Variants in PMFBP1 observed in about 807,000 individuals in gnomAD.
The protein encoded by PMFBP1 is polyamine-modulated factor 1-binding protein 1.
In PMFBP1, 131 loss-of-function variants were observed where a neutral mutation model predicts 137.8. The ratio of observed to expected loss-of-function variants is 0.95; its 90% confidence interval spans 0.82 to 1.10. The LOEUF (loss-of-function observed/expected upper bound fraction) is 1.10. Among genes scored for constraint, PMFBP1 ranks in the 50% least tolerant of loss-of-function variants. The probability of loss-of-function intolerance (pLI) is 0.00; values close to 1 mark genes in which losing one functional copy is unlikely to be tolerated. For synonymous variants in PMFBP1, 490 were observed against 450.4 expected (o/e 1.09, Z -1.11); for missense variants, 1,199 against 1,175.4 (o/e 1.02, Z -0.29).
rs906160015 is a variant in PMFBP1 at position 72,164,876 on chromosome 16, T to C, written c.53A>G (p.Lys18Arg). The C allele has an allele frequency of 4.4e-6, 7 of 1,608,658 alleles. No individual in the cohort carries two copies. Among genetic ancestry groups the C allele is most frequent in the South Asian group, 1.1e-5 (1 of 90,936 alleles). Residue 18 changes from lysine (K) to arginine (R), a missense_variant, in exon 3 of 21, where the codon AAG becomes AGG. Physicochemically the swap from Lys to Arg is conservative, Grantham distance 26. Transcript: ENST00000237353. ...RDREVSSLNSKLLSLQLDIKN... is the reference protein window; with the variant it reads ...RDREVSSLNSRLLSLQLDIKN... The stretch of plus-strand genomic sequence containing the variant: ...GATGTCAAGTTGCAGGCTTAACAGC[T>C]TGCTGTTCAGGCTGCTCACTTCTCT...
At chr16:72,234,290 C>T in the PMFBP1 span, among the ~76,000 whole-genome samples, 325 of 152,218 alleles carry the variant, frequency 2.1e-3, 1 homozygote, top group Non-Finnish European at 3.9e-3. Context: ...ACAAATCATC[C>T]GACAGTGCAC....
intron 5 of PMFBP1, among the ~76,000 whole-genome samples, chr16:72,149,675 TGGCC>T (rs1169118002): frequency 6.6e-6 from 1 of 151,856 alleles, no homozygotes; most frequent in Non-Finnish European, 1.5e-5. Flanking sequence ...ACACAAAAAC[TGGCC>T]GGGCATGGTG....
At chr16:72,191,271 T>C in the PMFBP1 span, among the ~76,000 whole-genome samples, 1 of 152,316 alleles carries the variant, frequency 6.6e-6, no homozygotes, top group East Asian at 1.9e-4. Context: ...GTTAAGAAAA[T>C]GTAAAACAAT....
rs1411342824 is a variant in PMFBP1 at position 72,125,997 on chromosome 16, G to A, written c.2224C>T (p.Gln742Ter). Residue 742 changes from glutamine (Q) to a stop codon, truncating the protein, a stop_gained, in exon 15 of 21, where the codon CAG (glutamine) becomes TAG (stop). Transcript: ENST00000237353. LOFTEE classifies it high-confidence loss of function. ...TCGAGGGCTTGTGTCAGGTCATCCTGGCAGGCGGCTGACTTCCGGGATAAT... is the reference window on the plus strand; with the variant it reads ...TCGAGGGCTTGTGTCAGGTCATCCTAGCAGGCGGCTGACTTCCGGGATAAT... Reference protein sequence around the residue: ...DALSRKSAACQDDLTQALEKL... With the variant: ...DALSRKSAAC 5 of 1,614,192 alleles carry A rather than the reference G, an allele frequency of 3.1e-6. No individual in the cohort carries two copies. The highest frequency in any genetic ancestry group is 4.2e-6 in the Non-Finnish European group (5 of 1,180,024).
In PMFBP1 at chr16:72,122,934, G is replaced by A; in HGVS notation, c.2748C>T (p.Ala916=). 1 of 1,613,386 alleles carries A rather than the reference G, an allele frequency of 6.2e-7. No homozygotes were observed. Among genetic ancestry groups the A allele is most frequent in the Non-Finnish European group, 8.5e-7 (1 of 1,179,936 alleles). The change falls in exon 19 of 21, where the codon GCC becomes GCT. Residue 916 remains alanine, a synonymous_variant. Transcript: ENST00000237353. ...CTTACTCCTTTTCGCCACTCAGCTTGGCAATGTATTTCACCTGCTCTCGGA... is the reference window on the plus strand; with the variant it reads ...CTTACTCCTTTTCGCCACTCAGCTTAGCAATGTATTTCACCTGCTCTCGGA... The part of the protein sequence containing the change: ...NQLREQVKYI[A]KLSGEKDHLH...
chr16:72,173,752 T>C (rs558878736), upstream of PMFBP1, among the ~76,000 whole-genome samples: 1 of 152,324 alleles, frequency 6.6e-6, no homozygotes, highest in East Asian at 1.9e-4. Context: ...CTTTACGAAA[T>C]GCCATGTGAA....
the PMFBP1 span, among the ~76,000 whole-genome samples, chr16:72,242,961 G>C: frequency 1.3e-5 from 2 of 152,336 alleles, no homozygotes; most frequent in East Asian, 3.9e-4. Flanking sequence ...AACAGGGTGA[G>C]ATGTGTTGTA....
the PMFBP1 span, among the ~76,000 whole-genome samples, chr16:72,228,558 G>A: frequency 6.6e-6 from 1 of 152,124 alleles, no homozygotes; most frequent in African/African-American, 2.4e-5. Flanking sequence ...TGAACTGTGA[G>A]CTCTTACAGG....
At chr16:72,198,618 C>T in the PMFBP1 span, among the ~76,000 whole-genome samples, 16 of 152,090 alleles carry the variant, frequency 1.1e-4, no homozygotes, top group East Asian at 3.9e-4. Context: ...AAAAAATGAC[C>T]GGCCTCCACT....
chr16:72,142,699 A>G (rs73580610), intron 5 of PMFBP1, among the ~76,000 whole-genome samples: 116 of 152,362 alleles, frequency 7.6e-4, no homozygotes, highest in African/African-American at 2.7e-3. Context: ...TATTTACAGC[A>G]AAAGGAAAAC....
chr16:72,118,295 C>G (rs552324007), downstream of PMFBP1, among the ~76,000 whole-genome samples: 1 of 152,300 alleles, frequency 6.6e-6, no homozygotes, highest in East Asian at 1.9e-4. Context: ...AGAGCTTAAA[C>G]AGACAACAAC....
the PMFBP1 span, among the ~76,000 whole-genome samples, chr16:72,214,132 C>T: frequency 6.6e-6 from 1 of 152,060 alleles, no homozygotes; most frequent in African/African-American, 2.4e-5. Context: ...AGTGGTTGCC[C>T]TTGCAGAGCA....
the PMFBP1 span, among the ~76,000 whole-genome samples, chr16:72,194,583 G>A: frequency 6.6e-6 from 1 of 152,102 alleles, no homozygotes; most frequent in African/African-American, 2.4e-5. Context: ...GTTCCTTAAT[G>A]TTTTTAAATA....
At chr16:72,183,561 AG>A in the PMFBP1 span, among the ~76,000 whole-genome samples, 1 of 152,170 alleles carries the variant, frequency 6.6e-6, no homozygotes, top group Non-Finnish European at 1.5e-5. Flanking sequence ...ATATTGGATT[AG>A]GGGGCCACCC....
At chr16:72,239,886 AAAAAAAAAAAAAAAG>A in the PMFBP1 span, among the ~76,000 whole-genome samples, 1 of 123,108 alleles carries the variant, frequency 8.1e-6, no homozygotes, top group Admixed American at 7.7e-5. Flanking sequence ...CTCCATGTAC[AAAAAAAAAAAAAAAG>A]AAAAAAAAAA....
At chr16:72,195,912 T>C in the PMFBP1 span, among the ~76,000 whole-genome samples, 1 of 152,052 alleles carries the variant, frequency 6.6e-6, no homozygotes, top group South Asian at 2.1e-4. Flanking sequence ...ATTTTTGTAT[T>C]CATGATTCTG....
At chr16:72,187,211 C>T in the PMFBP1 span, among the ~76,000 whole-genome samples, 12 of 152,026 alleles carry the variant, frequency 7.9e-5, no homozygotes, top group South Asian at 2.1e-4. Flanking sequence ...ATAGTGGATG[C>T]GATTTAAAAT....
chr16:72,197,494 G>A, the PMFBP1 span, among the ~76,000 whole-genome samples: 5 of 152,160 alleles, frequency 3.3e-5, no homozygotes, highest in Admixed American at 3.3e-4. Context: ...GGGGGTACCC[G>A]GGGCTCCATG....
chr16:72,146,814 C>T (rs919283202), intron 5 of PMFBP1, among the ~76,000 whole-genome samples: 1 of 152,138 alleles, frequency 6.6e-6, no homozygotes, highest in African/African-American at 2.4e-5. Context: ...ATCCAACTTA[C>T]AAGGGATGTG....
Sources: allele counts gnomAD v4.1 joint callset (sites outside exome capture counted in the v4.1 genomes callset), GRCh38; gene constraint gnomAD v4.1.1; transcripts MANE v1.5; gene names NCBI Gene and HGNC (gene_info 2026-07-23, HGNC 2026-07-21).